Variants in SUMF1 observed in about 807,000 individuals in gnomAD.
SUMF1 encodes formylglycine-generating enzyme.
In SUMF1, 48 loss-of-function variants were observed where a neutral mutation model predicts 47.6. The ratio of observed to expected loss-of-function variants is 1.01; its 90% CI spans 0.80 to 1.28. The LOEUF is 1.28. SUMF1 is among the 50% of genes most tolerant of loss of function. The pLI is 0.00. For missense variants in SUMF1, 571 were observed against 485.4 expected (o/e 1.18, Z -1.66); for synonymous variants, 230 against 192.1 (o/e 1.20, Z -1.63).
chr3:4,042,496 C>A (rs1694926234), intron 9 of SUMF1, among the ~76,000 whole-genome samples: 1 of 152,142 alleles, frequency 6.6e-6, no homozygotes. Flanking sequence ...AAAAGAATAC[C>A]TTTGCAAGGA....
intron 3 of SUMF1, among the ~76,000 whole-genome samples, chr3:4,426,839 C>T (rs1702083503): frequency 6.6e-6 from 1 of 152,180 alleles, no homozygotes. Flanking sequence ...GGAAAAAGGA[C>T]TTTAACATGA....
At chr3:4,110,728 C>T (rs1693279104) in intron 8 of SUMF1, among the ~76,000 whole-genome samples, 1 of 151,244 alleles carries the variant, frequency 6.6e-6, no homozygotes, top group African/African-American at 2.4e-5. Context: ...TCATTCTCAG[C>T]AATCTATCGC....
rs531273549 is a variant in SUMF1, at chr3:4,151,044, A to G, written c.1015-82299T>C. On this transcript the variant is annotated intron_variant and NMD_transcript_variant, in intron 8 of 12. Transcript: ENST00000448413. Reference sequence around the variant, plus strand: ...GTACAGCCTGCTTCGTCACACTTCAACAGAGGATTAACGTCTGGTGGGGGC... The same window carrying G: ...GTACAGCCTGCTTCGTCACACTTCAGCAGAGGATTAACGTCTGGTGGGGGC... Among the ~76,000 whole-genome samples, 11 of 151,518 alleles carry G rather than the reference A, an allele frequency of 7.3e-5. No individual in the cohort carries two copies. The South Asian group carries it at 2.1e-3, about 29-fold the overall frequency.
intron 7 of SUMF1, among the ~76,000 whole-genome samples, chr3:4,386,361 T>G (rs1408380632): frequency 1.3e-5 from 2 of 152,174 alleles, no homozygotes; most frequent in Non-Finnish European, 2.9e-5. Context: ...TTTCATTTGG[T>G]TTTGGTGACT....
chr3:4,216,799 C>A (rs997674344), intron 8 of SUMF1, among the ~76,000 whole-genome samples: 1 of 152,176 alleles, frequency 6.6e-6, no homozygotes, highest in Non-Finnish European at 1.5e-5. Flanking sequence ...AAACGCAAAT[C>A]AAAACCACAA....
chr3:4,251,029 A>G (rs1696790644), intron 8 of SUMF1, among the ~76,000 whole-genome samples: 1 of 152,212 alleles, frequency 6.6e-6, no homozygotes, highest in East Asian at 1.9e-4. Flanking sequence ...ATAAGGCTAT[A>G]GCTGCCATAG....
chr3:4,137,980 T>C (rs1256749494), intron 8 of SUMF1, among the ~76,000 whole-genome samples: 2 of 151,816 alleles, frequency 1.3e-5, no homozygotes, highest in South Asian at 2.1e-4. Context: ...GAATACAAAT[T>C]CAATATGCAA....
intron 8 of SUMF1, among the ~76,000 whole-genome samples, chr3:4,163,902 A>G (rs558933322): frequency 2.2e-4 from 34 of 152,252 alleles, no homozygotes; most frequent in African/African-American, 8.2e-4. Flanking sequence ...TTCCATTTCT[A>G]CAGCCCTGCC....
chr3:4,045,417 C>A (rs896347593), intron 9 of SUMF1, among the ~76,000 whole-genome samples: 2 of 151,856 alleles, frequency 1.3e-5, no homozygotes. Context: ...TCCATTCATC[C>A]ATCCATCTTT....
At position 4,140,904 on chromosome 3, in the gene SUMF1, C is replaced by T. The variant is rs149265760; in HGVS notation, c.1015-72159G>A. 3.6e-4 allele frequency among the ~76,000 whole-genome samples: 54 copies of T among 151,832 alleles called. 1 individual carries two copies. In the East Asian group the frequency reaches 0.01, roughly 29 times the overall value. On this transcript the variant is annotated intron_variant and NMD_transcript_variant, in intron 8 of 12. Transcript: ENST00000448413. ...ATTAGTAATCTGTAAAGATTAAAGT[C>T]AAGGAAACATAATAGGAATAGGGAA...
chr3:4,076,633 TAAAC>T (rs1481279635), intron 8 of SUMF1, among the ~76,000 whole-genome samples: 8 of 151,878 alleles, frequency 5.3e-5, no homozygotes, highest in African/African-American at 1.9e-4. Context: ...ACAAAGAACT[TAAAC>T]AAATTTACAA....
intron 8 of SUMF1, among the ~76,000 whole-genome samples, chr3:4,209,200 G>A (rs1318303180): frequency 6.6e-6 from 1 of 152,070 alleles, no homozygotes; most frequent in Non-Finnish European, 1.5e-5. Flanking sequence ...TGCTGCAGTT[G>A]ACTTTAAGGA....
chr3:4,218,004 C>T (rs752035655), intron 8 of SUMF1, among the ~76,000 whole-genome samples: 24 of 152,094 alleles, frequency 1.6e-4, no homozygotes, highest in Middle Eastern at 3.4e-3. Flanking sequence ...TCATGTTATT[C>T]GCTTAATTCG....
chr3:4,256,522 T>C (rs1183299112), intron 8 of SUMF1, among the ~76,000 whole-genome samples: 1 of 144,530 alleles, frequency 6.9e-6, no homozygotes, highest in Non-Finnish European at 1.5e-5. Context: ...CTAGAAGAAA[T>C]GGATAAATTC....
chr3:4,108,992 A>G (rs896081039), intron 8 of SUMF1, among the ~76,000 whole-genome samples: 3 of 152,062 alleles, frequency 2.0e-5, no homozygotes, highest in East Asian at 1.9e-4. Flanking sequence ...GATTTTGCTC[A>G]TTAGTTGATG....
At position 4,402,183 on chromosome 3, in the gene SUMF1, T is replaced by C. The variant is rs73809541; in HGVS notation, c.954+8682A>G. ...CATTTACTTAAGAAACTAAAAGAAG[T>C]GGGGAAAGAAAGAAGAAAATCCTTT... On this transcript the variant is annotated intron_variant, in intron 7 of 8. Transcript: ENST00000272902. 5.6e-3 allele frequency among the ~76,000 whole-genome samples: 854 copies of C among 152,188 alleles called. 12 individuals carry two copies. The highest frequency in any genetic ancestry group is 0.02 in the African/African-American group (819 of 41,518).
chr3:4,432,646 C>A (rs561474709), intron 3 of SUMF1, among the ~76,000 whole-genome samples: 1 of 152,058 alleles, frequency 6.6e-6, no homozygotes, highest in East Asian at 1.9e-4. Context: ...AAATAAAAGA[C>A]CCAAGAGCAC....
Position 4,332,810 on chromosome 3 carries a change from C to T in SUMF1, c.1014+43520G>A, listed in dbSNP as rs137941627. Among the ~76,000 whole-genome samples, 82 of 152,282 alleles carry T rather than the reference C, an allele frequency of 5.4e-4. 1 individual carries two copies. The highest frequency in any genetic ancestry group is 1.9e-3 in the African/African-American group (81 of 41,572). The stretch of plus-strand genomic sequence containing the variant: ...GGATACCTGCGGCCCTAAGTGAGAA[C>T]AGGCATTCCTGTTTTAGTACTCGAA... On this transcript the variant is annotated intron_variant and NMD_transcript_variant, in intron 8 of 12. Transcript: ENST00000448413.
chr3:4,055,875 T>G (rs975951399), intron 9 of SUMF1, among the ~76,000 whole-genome samples: 1 of 152,198 alleles, frequency 6.6e-6, no homozygotes, highest in African/African-American at 2.4e-5. Context: ...CCAGAGGCTC[T>G]AAGGAACAAT....
Sources: allele counts gnomAD v4.1 joint callset (sites outside exome capture counted in the v4.1 genomes callset), GRCh38; gene constraint gnomAD v4.1.1; transcripts MANE v1.5; gene names NCBI Gene and HGNC (gene_info 2026-07-23, HGNC 2026-07-21).